The following DUOX2 variants were observed in gnomAD, a reference collection of about 807,000 sequenced individuals.
DUOX2 encodes NADH/NADPH thyroid oxidase p138-tox.
DUOX2 carries 185 observed loss-of-function variants against 183.3 expected under a neutral mutation model. That is an observed-to-expected ratio of 1.01 (90% CI 0.90 to 1.14). The LOEUF is 1.14. DUOX2 is among the 50% of genes most tolerant of loss of function. The pLI, the probability that DUOX2 is intolerant of heterozygous loss-of-function variation, is 0.00. For missense variants in DUOX2, 1,999 were observed against 2,022.9 expected (o/e 0.99, Z 0.23); for synonymous variants, 788 against 812.4 (o/e 0.97, Z 0.51).
chr15:45,113,110 C>G (rs761121873), intron 2 of DUOX2, 34 bp from the exon 3 acceptor site: 35 of 1,599,976 alleles, frequency 2.2e-5, no homozygotes, highest in Non-Finnish European at 2.9e-5. Context: ...CTCAGCACTA[C>G]GCTCCCAGCT....
intron 31 of DUOX2, 64 bp from the exon 32 acceptor site, chr15:45,095,155 T>C: frequency 6.4e-7 from 1 of 1,565,188 alleles, no homozygotes; most frequent in Non-Finnish European, 8.7e-7. Flanking sequence ...CCCAGGTGCC[T>C]TCACCTGAGA....
At chr15:45,113,205 T>C in intron 2 of DUOX2, 129 bp from the exon 3 acceptor site, 1 of 1,444,104 alleles carries the variant, frequency 6.9e-7, no homozygotes, top group Non-Finnish European at 9.5e-7. Flanking sequence ...CGGGCCGCAC[T>C]GGGAAGTTTC....
In DUOX2 at chr15:45,092,867, T is replaced by C. The variant is rs1346857862; in HGVS notation, c.*1283A>G. 1 of 152,084 alleles carries C rather than the reference T, an allele frequency of 6.6e-6. No individual in the cohort carries two copies. The highest frequency in any genetic ancestry group is 1.9e-4 in the East Asian group (1 of 5,188). 9.4% of individuals were successfully genotyped at this position (152,084 alleles called of 1,614,324 possible). On this transcript the variant is annotated 3_prime_UTR_variant, in exon 34 of 34. Transcript: ENST00000389039. Reference sequence around the variant, plus strand: ...AAGAGGCCAGTCTCAAAAGAGTATATTTAGTAGGACCAAAACTGGATTTGG... The same window carrying C: ...AAGAGGCCAGTCTCAAAAGAGTATACTTAGTAGGACCAAAACTGGATTTGG...
At position 45,101,247 on chromosome 15, in the gene DUOX2, A is replaced by G; in HGVS notation, c.2879T>C (p.Ile960Thr). The G allele has an allele frequency of 6.2e-7, 1 of 1,613,678 alleles. No homozygotes were observed. Among genetic ancestry groups the G allele is most frequent in the South Asian group, 1.1e-5 (1 of 90,968 alleles). ...AGTGATGAACGAGACTCGACAGCTG[A>G]TGTTTTGTTTAAAGATATCTCTAAT... ...NGIRDIFKQNISCRVSFITRT... is the reference protein window; with the variant it reads ...NGIRDIFKQNTSCRVSFITRT... Residue 960 changes from isoleucine to threonine, a missense_variant, in exon 22 of 34, where the codon ATC becomes ACC. Around this residue, in one of 3 missense-constraint regions of DUOX2, gnomAD observed 1,628 missense variants for 1,608.6 expected, o/e 1.01. Coordinates refer to ENST00000389039, the MANE Select transcript of DUOX2 (RefSeq NM_001363711.2).
In DUOX2 at chr15:45,093,545, G is replaced by C. The variant is rs1893813566; in HGVS notation, c.*605C>G. ...GCTGGAGGGAATAGACCTGGAGACA[G>C]AGTTGAGGCAGTCGGGCTGTCCAGG... is the stretch of plus-strand genomic sequence containing the variant. On this transcript the variant is annotated 3_prime_UTR_variant, in exon 34 of 34. Transcript: ENST00000389039. The C allele has an allele frequency of 6.4e-6, 1 of 155,452 alleles. No individual in the cohort carries two copies. The highest frequency in any genetic ancestry group is 1.4e-5 in the Non-Finnish European group (1 of 70,062). 9.6% of individuals were successfully genotyped at this position (155,452 alleles called of 1,614,324 possible).
intron 21 of DUOX2, chr15:45,101,484 T>C (rs1275838175): frequency 9.3e-6 from 6 of 641,970 alleles, no homozygotes; most frequent in African/African-American, 7.2e-5. Flanking sequence ...CTTAGGTGGA[T>C]GCAACCCTGC....
intron 29 of DUOX2, among the ~76,000 whole-genome samples, chr15:45,096,973 A>C (rs1226193152): frequency 6.6e-6 from 1 of 151,922 alleles, no homozygotes; most frequent in Non-Finnish European, 1.5e-5. Context: ...TCCCATCCTC[A>C]AACCCCTCTG....
In DUOX2 at chr15:45,113,393, C is replaced by A. The variant is rs867921010; in HGVS notation, c.19G>T (p.Glu7Ter). 1 of 1,565,690 alleles carries A rather than the reference C, an allele frequency of 6.4e-7. No individual in the cohort carries two copies. The highest frequency in any genetic ancestry group is 8.7e-7 in the Non-Finnish European group (1 of 1,153,936). ...AGAGCTCCCAGGAGCATCAGTGCCT[C>A]TGGTCTTGCACGGAGCATGCCAACC... MLRARP[E>*]ALMLLGALLT... The change falls in exon 2 of 34, where the codon GAG (glutamate) becomes TAG (stop). Residue 7 changes from glutamate to a stop codon, truncating the protein, a stop_gained. Transcript: ENST00000389039. LOFTEE classifies it high-confidence loss of function.
intron 16 of DUOX2, 85 bp from the exon 17 acceptor site, chr15:45,106,412 A>G: frequency 6.3e-7 from 1 of 1,593,444 alleles, no homozygotes; most frequent in Non-Finnish European, 8.6e-7. Context: ...GAGTCTGAGC[A>G]GGCGCCCTAA....
chr15:45,096,195 G>C (rs1456157735), intron 29 of DUOX2, 135 bp from the exon 30 acceptor site: 14 of 761,024 alleles, frequency 1.8e-5, no homozygotes, highest in Admixed American at 1.8e-4. Context: ...GGGGCTCCTG[G>C]GGCTGGGAGT....
At position 45,099,382 on chromosome 15, in the gene DUOX2, C is replaced by G. The variant is rs1179439325; in HGVS notation, c.3515+1G>C. 6.2e-7 allele frequency: 1 copy of G among 1,613,368 alleles called. No homozygotes were observed. On this transcript the variant is annotated splice_donor_variant, in intron 26 of 33. Coordinates refer to ENST00000389039, the MANE Select transcript of DUOX2 (RefSeq NM_001363711.2). LOFTEE classifies it high-confidence loss of function. ...CAGGAGAAACCATCCCCAGAACTGA[C>G]CCATCATTCACAAAGACGTTGGGGA...
At chr15:45,110,817 C>G in intron 7 of DUOX2, 107 bp from the exon 8 acceptor site, 6 of 1,554,934 alleles carry the variant, frequency 3.9e-6, no homozygotes, top group South Asian at 1.2e-5. Context: ...CAGGAAGGGT[C>G]AATCATGGGA....
In DUOX2 at chr15:45,105,858, G is replaced by T. The variant is rs745674391; in HGVS notation, c.2149-30C>A. The T allele has an allele frequency of 5.0e-6, 8 of 1,613,136 alleles. No homozygotes were observed. In the Admixed American group the frequency reaches 1.3e-4, roughly 27 times the overall value. On this transcript the variant is annotated intron_variant, in intron 17 of 33. Transcript: ENST00000389039. ...GTGGGAGGAAGGCGGCACTGACGCA[G>T]GGAGCTCGCTGGACCTTCTGCTTCA...
rs1415222060 is a variant in DUOX2 at position 45,110,500 on chromosome 15, C to G, written c.968G>C (p.Ser323Thr). The change falls in exon 9 of 34, where the codon AGC (serine) becomes ACC (threonine). Residue 323 changes from serine to threonine, a missense_variant. Physicochemically the swap from Ser to Thr is moderately conservative, Grantham distance 58. This residue lies in a region of DUOX2 where 1,628 missense variants were observed against 1,608.6 expected (regional missense o/e 1.01). Coordinates refer to ENST00000389039, the MANE Select transcript of DUOX2 (RefSeq NM_001363711.2). ...YTGYRPFLDP[S>T]ISPEFVVASE... Reference sequence around the variant, plus strand: ...GGCCACCACAAATTCCGGGGAGATGCTGGGGTCTAGGAAAGGACGGTATCC... The same window carrying G: ...GGCCACCACAAATTCCGGGGAGATGGTGGGGTCTAGGAAAGGACGGTATCC... 6.2e-7 allele frequency: 1 copy of G among 1,614,008 alleles called. No individual in the cohort carries two copies. The highest frequency in any genetic ancestry group is 8.5e-7 in the Non-Finnish European group (1 of 1,180,012).
chr15:45,097,148 G>T (rs1413655212), intron 29 of DUOX2, 90 bp downstream of exon 29: 3 of 1,584,206 alleles, frequency 1.9e-6, no homozygotes, highest in Non-Finnish European at 2.6e-6. Context: ...CAGAGGCAGT[G>T]ATGGGGTCAG....
At chr15:45,096,538 T>C (rs1893905734) in intron 29 of DUOX2, among the ~76,000 whole-genome samples, 1 of 152,218 alleles carries the variant, frequency 6.6e-6, no homozygotes, top group African/African-American at 2.4e-5. Flanking sequence ...CAGTATCATG[T>C]GTCCTACATA....
chr15:45,112,739 G>C (rs1286650457), intron 3 of DUOX2, 21 bp from the exon 4 acceptor site: 1 of 1,609,740 alleles, frequency 6.2e-7, no homozygotes, highest in East Asian at 2.2e-5. Context: ...AGGGAGCGGG[G>C]CTCTGTCTAA....
At position 45,110,685 on chromosome 15, in the gene DUOX2, G is replaced by C. The variant is rs151261408; in HGVS notation, c.908C>G (p.Pro303Arg). The C allele has an allele frequency of 0.014, 21,949 of 1,612,426 alleles. 186 individuals are homozygous for C. Among genetic ancestry groups the C allele is most frequent in the Non-Finnish European group, 0.016 (19,092 of 1,179,922 alleles). ...CGGGAGTGTTTTCTGCAGGAAGCTG[G>C]GCAGCCACTCATACACAGCGATGTT... is the stretch of plus-strand genomic sequence containing the variant. Reference protein sequence around the residue: ...YQNIAVYEWLPSFLQKTLPEY... With the variant: ...YQNIAVYEWLRSFLQKTLPEY... Residue 303 changes from proline (P) to arginine (R), a missense_variant, in exon 8 of 34, where the codon CCC becomes CGC. By Grantham distance (103) the Pro-to-Arg change is moderately radical. Around this residue, in one of 3 missense-constraint regions of DUOX2, gnomAD observed 1,628 missense variants for 1,608.6 expected, o/e 1.01. Transcript: ENST00000389039.
intron 3 of DUOX2, 132 bp from the exon 4 acceptor site, chr15:45,112,850 G>A: frequency 6.5e-7 from 1 of 1,545,980 alleles, no homozygotes; most frequent in South Asian, 1.1e-5. Context: ...TCTTGGCCCC[G>A]GGAGCGCATA....
Sources: gnomAD v4.1 joint callset for allele counts (sites outside exome capture counted in the v4.1 genomes callset) on GRCh38, gnomAD v4.1.1 for gene constraint, gnomAD v4.1.1 regional missense constraint, MANE v1.5 for transcripts, NCBI Gene and HGNC (gene_info 2026-07-23, HGNC 2026-07-21) for gene names.